Variants in RPH3AL observed in about 807,000 individuals in gnomAD.
The protein encoded by RPH3AL is rab effector Noc2.
RPH3AL carries 38 observed loss-of-function variants against 43.1 expected under a neutral mutation model. That is an observed-to-expected ratio of 0.88 (90% CI 0.68 to 1.15). RPH3AL has a LOEUF of 1.15. Ranked by LOEUF, RPH3AL falls within the 50% of genes most tolerant of loss-of-function variation. The probability of loss-of-function intolerance (pLI) is 0.00; values close to 1 mark genes in which losing one functional copy is unlikely to be tolerated. For synonymous variants in RPH3AL, 189 were observed against 176.3 expected (o/e 1.07, Z -0.57); for missense variants, 462 against 423.2 (o/e 1.09, Z -0.81).
intron 7 of RPH3AL, among the ~76,000 whole-genome samples, chr17:237,054 T>C (rs1597902987): frequency 6.6e-6 from 1 of 152,112 alleles, no homozygotes; most frequent in African/African-American, 2.4e-5. Context: ...CTGGGGCTAG[T>C]ACAGCTCGGA....
chr17:268,566 T>G (rs1362865449), intron 6 of RPH3AL, among the ~76,000 whole-genome samples: 16 of 135,662 alleles, frequency 1.2e-4, no homozygotes, highest in African/African-American at 4.4e-4. Flanking sequence ...TTTTTTTTTT[T>G]TTTTTTTTTT....
At chr17:219,586 G>T in intron 8 of RPH3AL, 37 bp downstream of exon 8, 1 of 1,140,136 alleles carries the variant, frequency 8.8e-7, no homozygotes, top group Non-Finnish European at 1.3e-6. Flanking sequence ...AGTGCACCGT[G>T]CCCGGCCAAT....
intron 5 of RPH3AL, among the ~76,000 whole-genome samples, chr17:316,931 GCT>G (rs2044252886): frequency 2.2e-5 from 2 of 90,218 alleles, no homozygotes; most frequent in African/African-American, 8.6e-5. Flanking sequence ...TAGTCTCTGT[GCT>G]CCACCTCCAT....
chr17:343,689 A>G (rs1422381343), intron 1 of RPH3AL, among the ~76,000 whole-genome samples: 1 of 152,170 alleles, frequency 6.6e-6, no homozygotes, highest in African/African-American at 2.4e-5. Flanking sequence ...GACATTTGGA[A>G]ATATCTGGAG....
At chr17:229,909 G>A (rs1459009822) in intron 7 of RPH3AL, among the ~76,000 whole-genome samples, 1 of 152,180 alleles carries the variant, frequency 6.6e-6, no homozygotes. Flanking sequence ...GCAGCTCAGA[G>A]CCTGCCCCTC....
Position 328,190 on chromosome 17 carries a change from G to A in RPH3AL, c.-36-611C>T, listed in dbSNP as rs750577895. 6.6e-6 allele frequency among the ~76,000 whole-genome samples: 1 copy of A among 151,750 alleles called. No homozygotes were observed. The highest frequency in any genetic ancestry group is 1.5e-5 in the Non-Finnish European group (1 of 67,938). ...ACACTGCCATGAAAATGGCACCTGG[G>A]GATCCCCCAGGGAGGTGGCCCTGCT... On this transcript the variant is annotated intron_variant, in intron 2 of 9. Transcript: ENST00000331302. The surrounding 1 kb of genome is among the most constrained non-coding windows in gnomAD (Gnocchi z 4.2).
rs1012150943 is a variant in RPH3AL, at chr17:259,671, T to A, written c.439-12386A>T. On this transcript the variant is annotated intron_variant, in intron 6 of 9. Transcript: ENST00000331302. ...ATAAGGCCGGCAAAGCAGCCAGCCT[T>A]GAAAATGCCATTTAATGAGAAAAGA... Among the ~76,000 whole-genome samples, 6 of 152,328 alleles carry A rather than the reference T, an allele frequency of 3.9e-5. No individual in the cohort carries two copies. The East Asian group carries it at 1.2e-3, about 29-fold the overall frequency.
intron 7 of RPH3AL, among the ~76,000 whole-genome samples, chr17:226,478 A>G (rs2041109396): frequency 6.6e-6 from 1 of 152,226 alleles, no homozygotes; most frequent in South Asian, 2.1e-4. Flanking sequence ...TACAGACCCA[A>G]ATCCCATTTC....
At chr17:279,716 A>G (rs2042733924) in intron 6 of RPH3AL, among the ~76,000 whole-genome samples, 1 of 152,074 alleles carries the variant, frequency 6.6e-6, no homozygotes, top group Non-Finnish European at 1.5e-5. Flanking sequence ...TCATCCCACA[A>G]AGTGTCTCCC....
chr17:327,337 G>C (rs2044642495), intron 3 of RPH3AL, 130 bp downstream of exon 3: 4 of 767,200 alleles, frequency 5.2e-6, no homozygotes, highest in Non-Finnish European at 9.1e-6. Flanking sequence ...CTGGAGTGTG[G>C]CATGCATCCG....
chr17:253,477 G>C (rs1555543440), intron 6 of RPH3AL, among the ~76,000 whole-genome samples: 1 of 152,128 alleles, frequency 6.6e-6, no homozygotes, highest in African/African-American at 2.4e-5. Flanking sequence ...CACGGTTTTG[G>C]CCTCCGGGTA....
chr17:235,144 C>CA (rs2041333828), intron 7 of RPH3AL, among the ~76,000 whole-genome samples: 1 of 147,224 alleles, frequency 6.8e-6, no homozygotes, highest in African/African-American at 2.5e-5. Flanking sequence ...ACTAACAAGA[C>CA]GGGTGCAGGG....
At chr17:242,212 G>C (rs1723004460) in intron 7 of RPH3AL, among the ~76,000 whole-genome samples, 1 of 152,026 alleles carries the variant, frequency 6.6e-6, no homozygotes, top group Non-Finnish European at 1.5e-5. Flanking sequence ...TTGCTCTGTG[G>C]GTTGAAAAGT....
intron 5 of RPH3AL, among the ~76,000 whole-genome samples, chr17:295,413 A>AAG (rs1567622434): frequency 1.7e-4 from 3 of 17,714 alleles, no homozygotes; most frequent in Admixed American, 5.9e-4. Context: ...AAATGGATGG[A>AAG]CAGAGGGAAT....
rs2041566926 is a variant in RPH3AL, at chr17:242,334, C to CTACCTTCCTCTATTGAT, written c.613+4776_613+4777insATCAATAGAGGAAGGTA. Among the ~76,000 whole-genome samples the CTACCTTCCTCTATTGAT allele has an allele frequency of 5.3e-5, 4 of 75,808 alleles. 1 individual carries two copies. Among genetic ancestry groups the CTACCTTCCTCTATTGAT allele is most frequent in the African/African-American group, 2.0e-4 (4 of 19,698 alleles). The allele number at this position is 75,808 out of a possible 152,430, so 49.7% of individuals were successfully genotyped here. On this transcript the variant is annotated intron_variant, in intron 7 of 9. Coordinates refer to ENST00000331302, the MANE Select transcript of RPH3AL (RefSeq NM_006987.4). The stretch of plus-strand genomic sequence containing the variant: ...TCTATTGACTACCTTCCTCTATTGA[C>CTACCTTCCTCTATTGAT]TACCTTCCTCTATTGACTACCTTCC...
chr17:315,166 C>G (rs796219298), intron 5 of RPH3AL, among the ~76,000 whole-genome samples: 1 of 25,262 alleles, frequency 4.0e-5, no homozygotes, highest in Admixed American at 5.3e-4. Context: ...TCCCTGTGCC[C>G]CCACCTCCAT....
chr17:221,441 C>A (rs76976079), intron 7 of RPH3AL, among the ~76,000 whole-genome samples: 11 of 60,998 alleles, frequency 1.8e-4, no homozygotes, highest in Non-Finnish European at 2.2e-4. Context: ...TAGACCCAAG[C>A]ACATCAGCTC....
chr17:332,895 T>C (rs1219653254), intron 2 of RPH3AL: 3 of 729,328 alleles, frequency 4.1e-6, no homozygotes, highest in Non-Finnish European at 5.8e-6. Context: ...CCGGAACCCT[T>C]GTAAAACCCC....
At chr17:235,501 A>AT in intron 7 of RPH3AL, among the ~76,000 whole-genome samples, 1 of 90,112 alleles carries the variant, frequency 1.1e-5, no homozygotes, top group Admixed American at 1.0e-4. Context: ...AGACGGATCC[A>AT]GGGTTCAAAG....
Sources: allele counts gnomAD v4.1 joint callset (sites outside exome capture counted in the v4.1 genomes callset), GRCh38; gene constraint gnomAD v4.1.1; non-coding constraint Gnocchi (gnomAD v3.1); transcripts MANE v1.5; gene names NCBI Gene and HGNC (gene_info 2026-07-23, HGNC 2026-07-21).